Variants in WDR17 observed in about 807,000 individuals in gnomAD.
WDR17 encodes WD repeat domain 17.
WDR17 carries 143 observed loss-of-function variants against 161.7 expected under a neutral mutation model. The ratio of observed to expected loss-of-function variants is 0.88; its 90% CI spans 0.77 to 1.02. The LOEUF is 1.02. Ranked by LOEUF, WDR17 falls within the 50% of genes least tolerant of loss-of-function variation. WDR17 has a pLI of 0.00. For missense variants in WDR17, 1,469 were observed against 1,520.9 expected (o/e 0.97, Z 0.57); for synonymous variants, 517 against 515.6 (o/e 1.00, Z -0.04).
intron 4 of WDR17, among the ~76,000 whole-genome samples, chr4:176,123,774 A>G (rs1741981521): frequency 6.6e-6 from 1 of 152,148 alleles, no homozygotes; most frequent in Non-Finnish European, 1.5e-5. Context: ...ATATAGGCAT[A>G]TTGATTAAAA....
intron 22 of WDR17, chr4:176,166,195 CTTTAT>C: frequency 1.7e-6 from 1 of 591,072 alleles, no homozygotes; most frequent in Non-Finnish European, 2.7e-6. Context: ...GTATATACTC[CTTTAT>C]TTTATTATTT....
intron 7 of WDR17, among the ~76,000 whole-genome samples, chr4:176,132,014 A>T (rs1743545160): frequency 1.3e-5 from 2 of 152,076 alleles, no homozygotes; most frequent in Admixed American, 1.3e-4. Context: ...TTGGAAGCAA[A>T]ATGAGAATAG....
chr4:176,156,261 C>T, intron 18 of WDR17, 118 bp downstream of exon 18: 3 of 945,886 alleles, frequency 3.2e-6, no homozygotes, highest in Non-Finnish European at 4.6e-6. Context: ...TCTTAAATAA[C>T]AATTAAATTT....
rs1305244221 is a variant in WDR17, at chr4:176,176,990, AGTTT to A, written c.3450-62_3450-59del. 16 of 1,050,550 alleles carry A rather than the reference AGTTT, an allele frequency of 1.5e-5. No homozygotes were observed. In the African/African-American group the frequency reaches 1.7e-4, roughly 11 times the overall value. 65.1% of individuals were successfully genotyped at this position (1,050,550 alleles called of 1,614,324 possible). On this transcript the variant is annotated intron_variant, in intron 26 of 28. Transcript: ENST00000508596. ...TATATAAATCTAAAATCACATTTAA[AGTTT>A]GTTTGCTTTTTCTGATATCTTAGTT... is the stretch of plus-strand genomic sequence containing the variant.
rs767372454 is a variant in WDR17, at chr4:176,115,958, G to T, written c.286G>T (p.Ala96Ser). The T allele has an allele frequency of 6.2e-7, 1 of 1,606,480 alleles. No homozygotes were observed. Among genetic ancestry groups the T allele is most frequent in the South Asian group, 1.1e-5 (1 of 89,644 alleles). ...IWNVAEQKVI[A>S]KLDSTKGIPA... ...GAATGTTGCAGAACAAAAAGTCATT[G>T]CTAAACTCGACAGTACAAAAGGTAT... Residue 96 changes from alanine to serine, a missense_variant, in exon 3 of 29, where the codon GCT becomes TCT. By Grantham distance (99) the Ala-to-Ser change is moderately conservative. Coordinates refer to ENST00000508596, the MANE Select transcript of WDR17 (RefSeq NM_181265.4).
rs1752072788 is a variant in WDR17, at chr4:176,180,701, A to G, written c.*1122A>G. 6.6e-6 allele frequency: 1 copy of G among 152,096 alleles called. No individual in the cohort carries two copies. The highest frequency in any genetic ancestry group is 1.5e-5 in the Non-Finnish European group (1 of 68,022). The allele number at this position is 152,096 out of a possible 1,614,324, so 9.4% of individuals were successfully genotyped here. On this transcript the variant is annotated 3_prime_UTR_variant, in exon 29 of 29. Coordinates refer to ENST00000508596, the MANE Select transcript of WDR17 (RefSeq NM_181265.4). The stretch of plus-strand genomic sequence containing the variant: ...TCCAGCCTGGGCAACAAAGAGCGAA[A>G]CTCTGTCTCAAAAAACAAACCAACA...
At chr4:176,165,552 G>T (rs1749656915) in intron 22 of WDR17, among the ~76,000 whole-genome samples, 1 of 152,146 alleles carries the variant, frequency 6.6e-6, no homozygotes, top group South Asian at 2.1e-4. Flanking sequence ...AACATTAACA[G>T]TCAATTAACA....
At chr4:176,124,901 G>A (rs1311949354) in intron 4 of WDR17, among the ~76,000 whole-genome samples, 4 of 152,168 alleles carry the variant, frequency 2.6e-5, no homozygotes, top group Admixed American at 2.6e-4. Flanking sequence ...TGCCAAAACA[G>A]AGCATTGAGC....
Position 176,119,834 on chromosome 4 carries a change from C to A in WDR17, c.308-33C>A, listed in dbSNP as rs776598274. 3 of 1,571,858 alleles carry A rather than the reference C, an allele frequency of 1.9e-6. No homozygotes were observed. In the Admixed American group the frequency reaches 5.0e-5, roughly 26 times the overall value. On this transcript the variant is annotated intron_variant, in intron 3 of 28. Coordinates refer to ENST00000508596, the MANE Select transcript of WDR17 (RefSeq NM_181265.4). ...TTAATGGTGTAATCTTATGCTGTAT[C>A]TTTATTATGTATCTGTATTTAATGT...
At position 176,160,910 on chromosome 4, in the gene WDR17, G is replaced by A; in HGVS notation, c.2659-1G>A. 1 of 1,587,950 alleles carries A rather than the reference G, an allele frequency of 6.3e-7. No homozygotes were observed. Among genetic ancestry groups the A allele is most frequent in the Non-Finnish European group, 8.6e-7 (1 of 1,168,494 alleles). ...TAATTCAACATTTAATTAAATTCTAGGCTGCTTGTGAAGGAAATATGCAGC... is the reference window on the plus strand; with the variant it reads ...TAATTCAACATTTAATTAAATTCTAAGCTGCTTGTGAAGGAAATATGCAGC... On this transcript the variant is annotated splice_acceptor_variant, in intron 19 of 28. Coordinates refer to ENST00000508596, the MANE Select transcript of WDR17 (RefSeq NM_181265.4). LOFTEE classifies it high-confidence loss of function.
At chr4:176,152,476 C>A (rs534171918) in intron 17 of WDR17, among the ~76,000 whole-genome samples, 1 of 150,444 alleles carries the variant, frequency 6.6e-6, no homozygotes, top group Non-Finnish European at 1.5e-5. Context: ...GCGTGTGGCA[C>A]GCACCTCTAG....
intron 2 of WDR17, among the ~76,000 whole-genome samples, chr4:176,114,937 G>A (rs1026924595): frequency 6.6e-6 from 1 of 151,764 alleles, no homozygotes; most frequent in African/African-American, 2.4e-5. Flanking sequence ...GAAACAAGAA[G>A]TTCAGAGTGA....
intron 1 of WDR17, among the ~76,000 whole-genome samples, chr4:176,066,836 T>C (rs1308725377): frequency 2.0e-5 from 3 of 151,322 alleles, no homozygotes; most frequent in Non-Finnish European, 4.4e-5. Flanking sequence ...TAAATACCCT[T>C]TAGAGAAAAC....
intron 7 of WDR17, among the ~76,000 whole-genome samples, chr4:176,134,369 T>C (rs1744055587): frequency 6.6e-6 from 1 of 151,776 alleles, no homozygotes; most frequent in Non-Finnish European, 1.5e-5. Context: ...GCATTTAGAA[T>C]AGTTGTAATT....
intron 28 of WDR17, 32 bp from the exon 29 acceptor site, chr4:176,179,428 C>A: frequency 6.8e-7 from 1 of 1,470,790 alleles, no homozygotes. Context: ...TTTATAATCT[C>A]ATCTTCTCTT....
At chr4:176,124,461 G>A (rs184254775) in intron 4 of WDR17, among the ~76,000 whole-genome samples, 67 of 152,212 alleles carry the variant, frequency 4.4e-4, no homozygotes, top group African/African-American at 1.3e-3. Context: ...ATGGTAAGAC[G>A]AATGAGAAAG....
chr4:176,089,019 A>C (rs1456515874), intron 1 of WDR17, among the ~76,000 whole-genome samples: 4 of 152,156 alleles, frequency 2.6e-5, no homozygotes, highest in Non-Finnish European at 4.4e-5. Context: ...TAGAAAACAT[A>C]ATCTAATTAC....
chr4:176,101,780 G>T (rs1561099554), intron 1 of WDR17, among the ~76,000 whole-genome samples: 1 of 152,152 alleles, frequency 6.6e-6, no homozygotes, highest in East Asian at 1.9e-4. Context: ...GTGAAACAAA[G>T]ATAGTCTTTT....
intron 19 of WDR17, 61 bp downstream of exon 19, chr4:176,160,187 G>A: frequency 1.9e-6 from 3 of 1,585,128 alleles, no homozygotes; most frequent in Non-Finnish European, 2.6e-6. Context: ...GAAGGGAGAA[G>A]GTTGTGTTGA....
Sources: gnomAD v4.1 joint callset for allele counts (sites outside exome capture counted in the v4.1 genomes callset) on GRCh38, gnomAD v4.1.1 for gene constraint, MANE v1.5 for transcripts, NCBI Gene and HGNC (gene_info 2026-07-23, HGNC 2026-07-21) for gene names.